The following ANKDD1B variants were observed in gnomAD, a reference collection of about 807,000 sequenced individuals.
The protein encoded by ANKDD1B is ankyrin repeat and death domain containing 1B.
ANKDD1B carries 57 observed loss-of-function variants against 59.7 expected under a neutral mutation model. The observed-to-expected ratio is 0.95, with a 90% CI of 0.77 to 1.19. The LOEUF (loss-of-function observed/expected upper bound fraction) is 1.19, where lower values mean the gene tolerates loss of function less well. ANKDD1B is among the 50% of genes most tolerant of loss of function. The pLI is 0.00. For missense variants in ANKDD1B, 602 were observed against 641.9 expected (o/e 0.94, Z 0.67); for synonymous variants, 216 against 239.5 (o/e 0.90, Z 0.91).
Position 75,611,455 on chromosome 5 carries a change from T to G in ANKDD1B, c.-180T>G. 1 of 432,444 alleles carries G rather than the reference T, an allele frequency of 2.3e-6. No individual in the cohort carries two copies. The highest frequency in any genetic ancestry group is 3.9e-6 in the Non-Finnish European group (1 of 258,464). The allele number at this position is 432,444 out of a possible 1,614,324, so 26.8% of individuals were successfully genotyped here. A position where few individuals can be genotyped will look rare whatever the true frequency, so the allele number is the denominator to read the frequency against. On this transcript the variant is annotated 5_prime_UTR_variant, in exon 1 of 14. Coordinates refer to ENST00000601380, the MANE Select transcript of ANKDD1B (RefSeq NM_001276713.2). Reference sequence around the variant, plus strand: ...GCAGGGCTGGAAACTAGGGGCTTGTTGCCCAGCGAACCGCCACAACAGAGA... The same window carrying G: ...GCAGGGCTGGAAACTAGGGGCTTGTGGCCCAGCGAACCGCCACAACAGAGA...
Position 75,663,497 on chromosome 5 carries a change from A to C in ANKDD1B, c.1191+8A>C. On this transcript the variant is annotated splice_region_variant and intron_variant, in intron 11 of 13. Transcript: ENST00000601380. ...TACTACGCCTGGAGAGAGGTAAGGAAGGACGATCCCAGCACAGCAGGGGCT... is the reference window on the plus strand; with the variant it reads ...TACTACGCCTGGAGAGAGGTAAGGACGGACGATCCCAGCACAGCAGGGGCT... 3 of 1,534,614 alleles carry C rather than the reference A, an allele frequency of 2.0e-6. No homozygotes were observed. The highest frequency in any genetic ancestry group is 1.7e-4 in the Middle Eastern group (1 of 5,846).
intron 5 of ANKDD1B, among the ~76,000 whole-genome samples, chr5:75,633,462 A>G (rs553450113): frequency 6.6e-6 from 1 of 151,988 alleles, no homozygotes; most frequent in Admixed American, 6.6e-5. Flanking sequence ...GGGGGCTCCT[A>G]TGTTGTTATC....
chr5:75,613,119 A>G (rs967966446), intron 1 of ANKDD1B, among the ~76,000 whole-genome samples: 20 of 152,156 alleles, frequency 1.3e-4, no homozygotes, highest in Non-Finnish European at 1.5e-5. Context: ...CAACAAGAGC[A>G]GTTTCAGTAG....
chr5:75,659,509 C>A, intron 10 of ANKDD1B, 128 bp downstream of exon 10: 1 of 699,824 alleles, frequency 1.4e-6, no homozygotes, highest in Non-Finnish European at 2.5e-6. Flanking sequence ...AACCATGCAT[C>A]TTCATAGTCA....
At chr5:75,633,339 T>C (rs904652215) in intron 5 of ANKDD1B, among the ~76,000 whole-genome samples, 3 of 152,222 alleles carry the variant, frequency 2.0e-5, no homozygotes, top group Non-Finnish European at 4.4e-5. Context: ...CCAGCTTCCA[T>C]ACATGCATAA....
chr5:75,669,062 A>C (rs1775396895), intron 12 of ANKDD1B, among the ~76,000 whole-genome samples, 190 bp from the exon 13 acceptor site: 1 of 152,214 alleles, frequency 6.6e-6, no homozygotes, highest in African/African-American at 2.4e-5. Context: ...GCAGGTGCAT[A>C]GCACAGGCTG....
chr5:75,649,543 C>T (rs1378026338), intron 7 of ANKDD1B, among the ~76,000 whole-genome samples: 1 of 152,112 alleles, frequency 6.6e-6, no homozygotes, highest in Non-Finnish European at 1.5e-5. Flanking sequence ...ACACACGGAG[C>T]CCATGATGCC....
chr5:75,669,936 G>A (rs546373846), intron 13 of ANKDD1B, among the ~76,000 whole-genome samples: 1 of 152,258 alleles, frequency 6.6e-6, no homozygotes, highest in South Asian at 2.1e-4. Context: ...TAAATTAGGC[G>A]GTGTTGTAGC....
intron 7 of ANKDD1B, among the ~76,000 whole-genome samples, chr5:75,652,455 A>G (rs1268499912): frequency 6.6e-6 from 1 of 152,122 alleles, no homozygotes; most frequent in Non-Finnish European, 1.5e-5. Context: ...CTATTTATTT[A>G]TTTAGAAACT....
chr5:75,659,538 G>T (rs960164030), intron 10 of ANKDD1B, among the ~76,000 whole-genome samples, 157 bp downstream of exon 10: 1 of 152,114 alleles, frequency 6.6e-6, no homozygotes, highest in Non-Finnish European at 1.5e-5. Flanking sequence ...CCCCAATTTT[G>T]GTTGAGCTAT....
chr5:75,621,065 G>A (rs1773835146), intron 3 of ANKDD1B, among the ~76,000 whole-genome samples: 1 of 152,186 alleles, frequency 6.6e-6, no homozygotes, highest in African/African-American at 2.4e-5. Flanking sequence ...TCTGGTCAGA[G>A]AGAAAGATTC....
chr5:75,616,104 C>T (rs1423648625), intron 1 of ANKDD1B, among the ~76,000 whole-genome samples: 1 of 152,136 alleles, frequency 6.6e-6, no homozygotes, highest in Admixed American at 6.5e-5. Context: ...TCCTACTTAA[C>T]CTCAATTCTG....
Position 75,616,767 on chromosome 5 carries a change from A to G in ANKDD1B, c.194-37A>G, listed in dbSNP as rs143078193. ...AATATGCTTTCTCTTTGGCCTCCTT[A>G]AATTCCCTCAGTCATGCTTGCTTTG... On this transcript the variant is annotated intron_variant, in intron 1 of 13. Transcript: ENST00000601380. 2.2e-4 allele frequency: 228 copies of G among 1,041,758 alleles called. No individual in the cohort carries two copies. In the African/African-American group the frequency reaches 3.3e-3, roughly 15 times the overall value. 64.5% of individuals were successfully genotyped at this position (1,041,758 alleles called of 1,614,324 possible).
chr5:75,624,145 A>G (rs976493333), intron 3 of ANKDD1B, among the ~76,000 whole-genome samples: 3 of 152,212 alleles, frequency 2.0e-5, no homozygotes, highest in African/African-American at 7.2e-5. Context: ...GTACTGAGGA[A>G]ATGGATTACT....
In ANKDD1B at chr5:75,616,976, AAAT is replaced by A. The variant is rs1444026642; in HGVS notation, c.297+78_297+80del. Reference sequence around the variant, plus strand: ...GGCTTGGATTTACACAGGACATCTGAAATAATAATAAAAATAAAAATCATGGTG... The same window carrying A: ...GGCTTGGATTTACACAGGACATCTGAAATAATAAAAATAAAAATCATGGTG... On this transcript the variant is annotated intron_variant, in intron 2 of 13. Transcript: ENST00000601380. 16 of 648,898 alleles carry A rather than the reference AAAT, an allele frequency of 2.5e-5. No individual in the cohort carries two copies. In the East Asian group the frequency reaches 4.3e-4, roughly 17 times the overall value. 40.2% of individuals were successfully genotyped at this position (648,898 alleles called of 1,614,324 possible). A position where few individuals can be genotyped will look rare whatever the true frequency, so the allele number is the denominator to read the frequency against.
Position 75,663,485 on chromosome 5 carries a change from G to A in ANKDD1B, c.1187G>A (p.Arg396Lys), listed in dbSNP as rs1434691532. Reference protein sequence around the residue: ...LIKAERYYAWREEHHESIRDP... With the variant: ...LIKAERYYAWKEEHHESIRDP... The stretch of plus-strand genomic sequence containing the variant: ...AAAGCAGAGAGATACTACGCCTGGA[G>A]AGAGGTAAGGAAGGACGATCCCAGC... The change falls in exon 11 of 14, where the codon AGA becomes AAA. Residue 396 changes from arginine to lysine, a missense_variant. By Grantham distance (26) the Arg-to-Lys change is conservative. Coordinates refer to ENST00000601380, the MANE Select transcript of ANKDD1B (RefSeq NM_001276713.2). 6 of 1,536,144 alleles carry A rather than the reference G, an allele frequency of 3.9e-6. No individual in the cohort carries two copies. Among genetic ancestry groups the A allele is most frequent in the Non-Finnish European group, 5.2e-6 (6 of 1,146,794 alleles).
intron 8 of ANKDD1B, among the ~76,000 whole-genome samples, chr5:75,653,806 A>T (rs1056203331): frequency 1.3e-5 from 2 of 152,136 alleles, no homozygotes; most frequent in African/African-American, 4.8e-5. Context: ...CTGAGCCATT[A>T]CTATTTATTG....
intron 13 of ANKDD1B, 48 bp from the exon 14 acceptor site, chr5:75,670,931 T>C: frequency 1.4e-6 from 1 of 728,260 alleles, no homozygotes; most frequent in Non-Finnish European, 1.9e-6. Context: ...AGACAATCAG[T>C]GCTTTAAAAA....
intron 3 of ANKDD1B, among the ~76,000 whole-genome samples, chr5:75,621,056 C>A (rs1773835017): frequency 6.6e-6 from 1 of 152,196 alleles, no homozygotes. Context: ...CGCAGTTCCT[C>A]TGGTCAGAGA....
Sources: allele counts gnomAD v4.1 joint callset (sites outside exome capture counted in the v4.1 genomes callset), GRCh38; gene constraint gnomAD v4.1.1; transcripts MANE v1.5; gene names NCBI Gene and HGNC (gene_info 2026-07-23, HGNC 2026-07-21).